Variants in FOXN1 observed in about 807,000 individuals in gnomAD.
FOXN1 encodes the protein forkhead box N1, also known as forkhead box protein N1.
Under a neutral mutation model 49.0 loss-of-function variants are expected in FOXN1, and 15 were observed. That is an observed-to-expected ratio of 0.31 (90% CI 0.20 to 0.47). The LOEUF (loss-of-function observed/expected upper bound fraction) is 0.47, where lower values mean the gene tolerates loss of function less well. FOXN1 is among the 20% of genes least tolerant of loss of function. The probability of loss-of-function intolerance (pLI) is 1.00; values close to 1 mark genes in which losing one functional copy is unlikely to be tolerated. For synonymous variants in FOXN1, 356 were observed against 369.0 expected (o/e 0.96, Z 0.40); for missense variants, 800 against 842.8 (o/e 0.95, Z 0.63).
chr17:28,530,064 T>C (rs1436454693), intron 5 of FOXN1, among the ~76,000 whole-genome samples: 1 of 150,546 alleles, frequency 6.6e-6, no homozygotes, highest in Non-Finnish European at 1.5e-5. Flanking sequence ...GGGACAACGT[T>C]AGGAGAAATA....
chr17:28,524,904 C>T lies in FOXN1; in HGVS notation c.525C>T (p.Phe175=). The part of the protein sequence containing the change: ...VAEAEAFLPG[F]SAEAWCNGLP... ...AGGCCGAGGCCTTCCTGCCTGGCTTCTCAGCAGAGGCCTGGTGTAACGGGC... is the reference window on the plus strand; with the variant it reads ...AGGCCGAGGCCTTCCTGCCTGGCTTTTCAGCAGAGGCCTGGTGTAACGGGC... Residue 175 remains phenylalanine (F), a synonymous_variant, in exon 3 of 9, where the codon TTC becomes TTT. Transcript: ENST00000579795. 1 of 1,613,444 alleles carries T rather than the reference C, an allele frequency of 6.2e-7. No homozygotes were observed. The highest frequency in any genetic ancestry group is 8.5e-7 in the Non-Finnish European group (1 of 1,180,014).
chr17:28,522,837 CA>C (rs57340096), intron 1 of FOXN1, among the ~76,000 whole-genome samples: 2,059 of 102,616 alleles, frequency 0.02, 34 homozygotes, highest in African/African-American at 0.061. Flanking sequence ...GACTCCATCT[CA>C]AAAAAAAAAA....
chr17:28,534,515 T>C lies in FOXN1; in HGVS notation c.1112T>C (p.Val371Ala). Residue 371 changes from valine (V) to alanine (A), a missense_variant, in exon 7 of 9, where the codon GTG becomes GCG. Physicochemically the swap from Val to Ala is moderately conservative, Grantham distance 64. This residue lies in a region of FOXN1 where 344 missense variants were observed against 366.1 expected (regional missense o/e 0.94). Transcript: ENST00000579795. The surrounding 1 kb of genome is among the most constrained non-coding windows in gnomAD (Gnocchi z 4.1). ...QKWKRKDPIA[V>A]RKSMAKPEEL... ...TGGAAGAGGAAAGATCCCATTGCTG[T>C]GCGCAAAAGCATGGCCAAGCCAGGT... The C allele has an allele frequency of 1.2e-6, 2 of 1,612,020 alleles. No homozygotes were observed. Among genetic ancestry groups the C allele is most frequent in the South Asian group, 2.2e-5 (2 of 91,010 alleles).
intron 8 of FOXN1, 122 bp from the exon 9 acceptor site, chr17:28,536,995 T>G: frequency 1.2e-6 from 1 of 806,174 alleles, no homozygotes; most frequent in African/African-American, 1.7e-5. Context: ...CAGGCTCTGT[T>G]CCCAGCACAT....
chr17:28,533,106 G>A (rs1201187016), intron 6 of FOXN1, among the ~76,000 whole-genome samples: 2 of 152,210 alleles, frequency 1.3e-5, no homozygotes, highest in East Asian at 3.9e-4. Context: ...AGTGACGCTG[G>A]CATCAAGACC....
Position 28,534,780 on chromosome 17 carries a change from G to C in FOXN1, c.1209G>C (p.Gly403=). 1 of 1,613,644 alleles carries C rather than the reference G, an allele frequency of 6.2e-7. No individual in the cohort carries two copies. Among genetic ancestry groups the C allele is most frequent in the South Asian group, 1.1e-5 (1 of 91,054 alleles). ...CACTCCTGGGCTGTCCGCCCCCTGGGCTGTCCGGCTCAGGCCCCATCCGGC... is the reference window on the plus strand; with the variant it reads ...CACTCCTGGGCTGTCCGCCCCCTGGCCTGTCCGGCTCAGGCCCCATCCGGC... The part of the protein sequence containing the change: ...GSPLLGCPPP[G]LSGSGPIRPL... Residue 403 remains glycine, a synonymous_variant, in exon 8 of 9, where the codon GGG becomes GGC. Transcript: ENST00000579795. The surrounding 1 kb of genome is among the most constrained non-coding windows in gnomAD (Gnocchi z 4.1).
rs1367285003 is a variant in FOXN1 at position 28,534,342 on chromosome 17, T to C, written c.939T>C (p.Asp313=). 5 of 1,614,156 alleles carry C rather than the reference T, an allele frequency of 3.1e-6. No individual in the cohort carries two copies. Among genetic ancestry groups the C allele is most frequent in the Admixed American group, 1.7e-5 (1 of 60,030 alleles). The change falls in exon 7 of 9, where the codon GAT becomes GAC. Residue 313 remains aspartate, a synonymous_variant. Coordinates refer to ENST00000579795, the MANE Select transcript of FOXN1 (RefSeq NM_001369369.1). This position sits in a 1 kb window ranked among gnomAD's most constrained non-coding sequence, Gnocchi z 4.1. ...EHFPYFKTAP[D]GWKNSVRHNL... ...CTCTGTTCCGGCAGACAGCACCCGA[T>C]GGCTGGAAGAATTCTGTCCGGCACA...
chr17:28,533,488 C>CCG (rs1047111717), intron 6 of FOXN1, among the ~76,000 whole-genome samples: 12 of 150,310 alleles, frequency 8.0e-5, no homozygotes, highest in African/African-American at 2.7e-4. Context: ...CACGAGCACC[C>CCG]CCCCCCACTG....
intron 1 of FOXN1, among the ~76,000 whole-genome samples, chr17:28,507,272 A>T (rs1353642221): frequency 2.0e-5 from 3 of 152,178 alleles, no homozygotes; most frequent in Non-Finnish European, 2.9e-5. Flanking sequence ...CTACCCGCTC[A>T]GATAAGGTTC....
At chr17:28,533,631 C>G (rs768461967) in intron 6 of FOXN1, among the ~76,000 whole-genome samples, 1 of 152,210 alleles carries the variant, frequency 6.6e-6, no homozygotes, top group Non-Finnish European at 1.5e-5. Context: ...GCCATCCTCA[C>G]AGTCGAGGAA....
intron 1 of FOXN1, among the ~76,000 whole-genome samples, chr17:28,506,892 G>A (rs2069272841): frequency 6.6e-6 from 1 of 152,192 alleles, no homozygotes; most frequent in East Asian, 1.9e-4. Context: ...GAGCACCAAG[G>A]GTGTGTGCAG....
At chr17:28,523,462 C>T (rs1180557213) in intron 1 of FOXN1, among the ~76,000 whole-genome samples, 1 of 152,186 alleles carries the variant, frequency 6.6e-6, no homozygotes, top group Non-Finnish European at 1.5e-5. Flanking sequence ...GTTGCTCCCA[C>T]CCCAAGCATG....
chr17:28,511,575 G>A (rs1445362674), intron 1 of FOXN1, among the ~76,000 whole-genome samples: 2 of 152,176 alleles, frequency 1.3e-5, no homozygotes, highest in African/African-American at 4.8e-5. Flanking sequence ...GAGGAGGCAG[G>A]GGCACCAGAC....
intron 1 of FOXN1, among the ~76,000 whole-genome samples, chr17:28,521,697 G>A (rs1379400811): frequency 1.3e-5 from 2 of 152,086 alleles, no homozygotes; most frequent in South Asian, 2.1e-4. Flanking sequence ...CCTAGACCCC[G>A]GCTTCCAGCC....
Position 28,524,105 on chromosome 17 carries a change from C to T in FOXN1, c.123+13C>T. 2.5e-6 allele frequency: 4 copies of T among 1,582,098 alleles called. No homozygotes were observed. The highest frequency in any genetic ancestry group is 2.6e-6 in the Non-Finnish European group (3 of 1,164,692). ...TGCCCCACAGAGTGTAAGTACCCGG[C>T]ATCTGGGCCTGGGTTTAGGCCAAGG... On this transcript the variant is annotated intron_variant, in intron 2 of 8. Coordinates refer to ENST00000579795, the MANE Select transcript of FOXN1 (RefSeq NM_001369369.1).
Position 28,538,374 on chromosome 17 carries a change from A to T in FOXN1, c.*938A>T, listed in dbSNP as rs533889884. The T allele has an allele frequency of 5.9e-5, 9 of 152,330 alleles. No homozygotes were observed. In the East Asian group the frequency reaches 1.7e-3, roughly 29 times the overall value. 9.4% of individuals were successfully genotyped at this position (152,330 alleles called of 1,614,324 possible). A position where few individuals can be genotyped will look rare whatever the true frequency, so the allele number is the denominator to read the frequency against. On this transcript the variant is annotated 3_prime_UTR_variant, in exon 9 of 9. Coordinates refer to ENST00000579795, the MANE Select transcript of FOXN1 (RefSeq NM_001369369.1). ...TGATGGTTCAACTTACACTTTTTCAACTTTAAGATGGTGCAAAAGCAATAC... is the reference window on the plus strand; with the variant it reads ...TGATGGTTCAACTTACACTTTTTCATCTTTAAGATGGTGCAAAAGCAATAC...
chr17:28,520,596 G>T (rs994223050), intron 1 of FOXN1, among the ~76,000 whole-genome samples: 1 of 152,200 alleles, frequency 6.6e-6, no homozygotes, highest in Non-Finnish European at 1.5e-5. Context: ...ATTGGAGGAG[G>T]TAGCAGGGTG....
intron 4 of FOXN1, 65 bp from the exon 5 acceptor site, chr17:28,529,029 G>A: frequency 6.2e-7 from 1 of 1,603,820 alleles, no homozygotes; most frequent in Non-Finnish European, 8.5e-7. Flanking sequence ...TATAAATGGG[G>A]AGGAGGGCCC....
At chr17:28,533,503 A>G (rs2069970133) in intron 6 of FOXN1, among the ~76,000 whole-genome samples, 1 of 115,446 alleles carries the variant, frequency 8.7e-6, no homozygotes, top group African/African-American at 3.5e-5. Context: ...CCACTGCCTG[A>G]GGGCTGGCCT....
Sources: allele counts gnomAD v4.1 joint callset (sites outside exome capture counted in the v4.1 genomes callset), GRCh38; gene constraint gnomAD v4.1.1; regional missense constraint gnomAD v4.1.1; non-coding constraint Gnocchi (gnomAD v3.1); transcripts MANE v1.5; gene names NCBI Gene and HGNC (gene_info 2026-07-23, HGNC 2026-07-21).